The following TMEM181 variants were observed in gnomAD, a reference collection of about 807,000 sequenced individuals.
TMEM181 encodes G protein-coupled receptor 178.
TMEM181 carries 39 observed loss-of-function variants against 71.9 expected under a neutral mutation model. The observed-to-expected ratio is 0.54, with a 90% CI of 0.42 to 0.71. The LOEUF is 0.71. Among genes scored for constraint, TMEM181 ranks in the 30% least tolerant of loss-of-function variants. TMEM181 has a pLI of 0.00. For synonymous variants in TMEM181, 245 were observed against 228.8 expected (o/e 1.07, Z -0.64); for missense variants, 595 against 583.0 (o/e 1.02, Z -0.21).
chr6:158,584,091 C>G (rs1783626703), intron 4 of TMEM181, 47 bp downstream of exon 4: 1 of 1,496,410 alleles, frequency 6.7e-7, no homozygotes, highest in Non-Finnish European at 9.2e-7. Context: ...TACGAAGAAA[C>G]ATCGTATTTT....
intron 6 of TMEM181, among the ~76,000 whole-genome samples, chr6:158,604,363 T>C (rs1277173860): frequency 6.6e-6 from 1 of 152,206 alleles, no homozygotes; most frequent in Non-Finnish European, 1.5e-5. Flanking sequence ...CGTGATGTTT[T>C]AGGTAAATCT....
At chr6:158,544,473 G>C (rs1781460387) in intron 1 of TMEM181, among the ~76,000 whole-genome samples, 1 of 151,952 alleles carries the variant, frequency 6.6e-6, no homozygotes, top group Non-Finnish European at 1.5e-5. Flanking sequence ...GTCTGCTGGG[G>C]TAGTGTGTGT....
rs531944704 is a variant in TMEM181, at chr6:158,608,546, G to A, written c.804+83G>A. The A allele has an allele frequency of 6.2e-6, 10 of 1,608,084 alleles. No individual in the cohort carries two copies. In the Admixed American group the frequency reaches 1.5e-4, roughly 24 times the overall value. ...AACTCTGAGGACAGCCCAGAAAGGT[G>A]AATTTATCCATGGAAGCCTGTCTGC... On this transcript the variant is annotated intron_variant, in intron 9 of 16. Transcript: ENST00000684151.
chr6:158,580,888 A>G, intron 2 of TMEM181, 52 bp from the exon 3 acceptor site: 5 of 1,521,612 alleles, frequency 3.3e-6, no homozygotes, highest in Admixed American at 3.5e-5. Flanking sequence ...AAAAAATACT[A>G]AATTATCAAT....
chr6:158,619,502 CGTCAAA>C (rs1438216131), intron 10 of TMEM181, among the ~76,000 whole-genome samples: 2 of 152,162 alleles, frequency 1.3e-5, no homozygotes, highest in Admixed American at 6.5e-5. Context: ...TCTGTCAACT[CGTCAAA>C]GTCATTCAGA....
At chr6:158,542,492 CTG>C (rs1781389477) in intron 1 of TMEM181, among the ~76,000 whole-genome samples, 1 of 152,234 alleles carries the variant, frequency 6.6e-6, no homozygotes, top group African/African-American at 2.4e-5. Context: ...AAACCCAAGT[CTG>C]TATCGTATGC....
chr6:158,584,929 AC>A (rs1171812042), intron 4 of TMEM181, among the ~76,000 whole-genome samples: 17 of 152,164 alleles, frequency 1.1e-4, no homozygotes, highest in African/African-American at 3.9e-4. Context: ...AATGAGAAAA[AC>A]CTATAATCAG....
At chr6:158,618,355 A>G (rs184190867) in intron 10 of TMEM181, among the ~76,000 whole-genome samples, 2 of 151,894 alleles carry the variant, frequency 1.3e-5, no homozygotes, top group Non-Finnish European at 2.9e-5. Flanking sequence ...GTAGATATTC[A>G]TCCATCCCTT....
At chr6:158,587,482 AC>A (rs1322350999) in intron 5 of TMEM181, among the ~76,000 whole-genome samples, 12 of 150,328 alleles carry the variant, frequency 8.0e-5, no homozygotes, top group Non-Finnish European at 1.8e-4. Flanking sequence ...AGAGATATTT[AC>A]CACCCTCTTA....
intron 1 of TMEM181, among the ~76,000 whole-genome samples, chr6:158,548,245 C>T (rs1452012810): frequency 6.6e-6 from 1 of 152,188 alleles, no homozygotes; most frequent in Non-Finnish European, 1.5e-5. Flanking sequence ...AACGTACTCT[C>T]CAACCTCCTG....
chr6:158,587,784 A>C (rs2128303897), intron 5 of TMEM181, among the ~76,000 whole-genome samples: 1 of 152,232 alleles, frequency 6.6e-6, no homozygotes, highest in East Asian at 1.9e-4. Flanking sequence ...TGAACTTGGG[A>C]TGCCGGAACC....
At chr6:158,578,315 G>T (rs1783277462) in intron 2 of TMEM181, among the ~76,000 whole-genome samples, 1 of 152,034 alleles carries the variant, frequency 6.6e-6, no homozygotes, top group East Asian at 1.9e-4. Context: ...TAAATACTTG[G>T]GTAATTATAA....
At chr6:158,625,032 C>G (rs951553884) in intron 11 of TMEM181, 72 bp from the exon 12 acceptor site, 34 of 1,197,368 alleles carry the variant, frequency 2.8e-5, no homozygotes, top group Non-Finnish European at 4.1e-5. Flanking sequence ...GCTTTCCTGC[C>G]TGTGGTGGTG....
chr6:158,629,056 C>T (rs1471655381), intron 14 of TMEM181, among the ~76,000 whole-genome samples: 2 of 152,180 alleles, frequency 1.3e-5, no homozygotes, highest in Non-Finnish European at 2.9e-5. Context: ...TCCCGCTGTG[C>T]CTGAGGCCAG....
intron 3 of TMEM181, among the ~76,000 whole-genome samples, chr6:158,582,135 C>G (rs536008094): frequency 5.8e-4 from 89 of 152,302 alleles, no homozygotes; most frequent in African/African-American, 2.1e-3. Context: ...TCTGCATAGC[C>G]TGTTTTCACA....
intron 3 of TMEM181, among the ~76,000 whole-genome samples, chr6:158,582,847 C>T (rs1213737656): frequency 2.6e-5 from 4 of 152,172 alleles, no homozygotes; most frequent in Non-Finnish European, 5.9e-5. Context: ...ATCATCACCT[C>T]TAATTTTTCT....
At chr6:158,556,909 C>A (rs1294774535), upstream of TMEM181, among the ~76,000 whole-genome samples, 1 of 152,098 alleles carries the variant, frequency 6.6e-6, no homozygotes, top group Non-Finnish European at 1.5e-5. Flanking sequence ...ATTACAGGCA[C>A]CTGCCACCAC....
chr6:158,595,845 G>A (rs1175295501), intron 6 of TMEM181, among the ~76,000 whole-genome samples: 1 of 152,154 alleles, frequency 6.6e-6, no homozygotes, highest in Non-Finnish European at 1.5e-5. Flanking sequence ...GTCTTGGTCA[G>A]GTACTGTTTA....
intron 6 of TMEM181, among the ~76,000 whole-genome samples, chr6:158,602,130 A>AT (rs1440972956): frequency 1.3e-5 from 2 of 152,090 alleles, no homozygotes; most frequent in Admixed American, 6.5e-5. Context: ...TGTTATTTGC[A>AT]TTTTTTTGAG....
Sources: allele counts gnomAD v4.1 joint callset (sites outside exome capture counted in the v4.1 genomes callset), GRCh38; gene constraint gnomAD v4.1.1; transcripts MANE v1.5; gene names NCBI Gene and HGNC (gene_info 2026-07-23, HGNC 2026-07-21).